EPB41: variants seen among roughly 807,000 people sequenced by gnomAD.
EPB41 encodes erythrocyte membrane protein band 4.1.
Under a neutral mutation model 108.0 loss-of-function variants are expected in EPB41, and 65 were observed. That is an observed-to-expected ratio of 0.60 (90% CI 0.49 to 0.74). The LOEUF (loss-of-function observed/expected upper bound fraction) is 0.74, where lower values mean the gene tolerates loss of function less well. Among genes scored for constraint, EPB41 ranks in the 30% least tolerant of loss-of-function variants. EPB41 has a pLI of 0.00. For synonymous variants in EPB41, 336 were observed against 358.9 expected (o/e 0.94, Z 0.72); for missense variants, 875 against 1,037.0 (o/e 0.84, Z 2.15).
intron 1 of EPB41, among the ~76,000 whole-genome samples, chr1:28,983,810 C>T (rs1472863803): frequency 6.6e-6 from 1 of 152,142 alleles, no homozygotes; most frequent in Non-Finnish European, 1.5e-5. Context: ...GTGTTAGCAG[C>T]TCAGTGGGCC....
At chr1:28,906,800 G>A (rs538893039) in intron 1 of EPB41, among the ~76,000 whole-genome samples, 2 of 150,876 alleles carry the variant, frequency 1.3e-5, no homozygotes, top group African/African-American at 2.4e-5. Flanking sequence ...TTTTGAGACG[G>A]AGTCTCGCTC....
intron 1 of EPB41, among the ~76,000 whole-genome samples, chr1:28,968,469 G>A (rs2095414841): frequency 6.6e-6 from 1 of 152,018 alleles, no homozygotes; most frequent in African/African-American, 2.4e-5. Context: ...AAAAATTTAT[G>A]ATTGTATAGA....
At position 28,975,958 on chromosome 1, in the gene EPB41, A is replaced by AAAAG. The variant is rs1553205874; in HGVS notation, c.-7-11457_-7-11454dup. Among the ~76,000 whole-genome samples, 796 of 140,026 alleles carry AAAAG rather than the reference A, an allele frequency of 5.7e-3. 20 individuals are homozygous for AAAAG. Among genetic ancestry groups the AAAAG allele is most frequent in the East Asian group, 0.02 (78 of 3,968 alleles). The allele number at this position is 140,026 out of a possible 152,430, so 91.9% of individuals were successfully genotyped here. On this transcript the variant is annotated intron_variant, in intron 1 of 20. Coordinates refer to ENST00000343067, the MANE Select transcript of EPB41 (RefSeq NM_001376013.1). ...TCCATCTCAAAAAAAAAAAAAAAAA[A>AAAAG]AAAGAAAGAAAGAAAGAAATATGTA...
intron 1 of EPB41, among the ~76,000 whole-genome samples, chr1:28,931,600 C>A (rs1289143478): frequency 6.7e-6 from 1 of 150,288 alleles, no homozygotes; most frequent in East Asian, 2.0e-4. Flanking sequence ...GCGATCTCGG[C>A]TTACTGCAAC....
chr1:29,041,290 G>A (rs963659782), intron 11 of EPB41: 4 of 151,566 alleles, frequency 2.6e-5, no homozygotes, highest in Non-Finnish European at 5.9e-5. Flanking sequence ...GACCAGCCTA[G>A]CGAACAGGGC....
rs554907319 is a variant in EPB41, at chr1:28,888,563, G to A, written c.-8+1353G>A. Among the ~76,000 whole-genome samples the A allele has an allele frequency of 3.3e-5, 5 of 152,386 alleles. No individual in the cohort carries two copies. In the East Asian group the frequency reaches 9.6e-4, roughly 29 times the overall value. On this transcript the variant is annotated intron_variant, in intron 1 of 16. Transcript: ENST00000347529. ...GCCTTGAAGGCTCTCCGGGGTGTCA[G>A]ACAGACACTTCGGAAATCACTGTAA...
chr1:29,002,830 A>C (rs1417790021), intron 4 of EPB41, among the ~76,000 whole-genome samples: 12 of 152,212 alleles, frequency 7.9e-5, no homozygotes. Context: ...AGGAATAAGG[A>C]AACCAAGTAA....
At chr1:28,983,609 G>T (rs1218841629) in intron 1 of EPB41, among the ~76,000 whole-genome samples, 1 of 152,156 alleles carries the variant, frequency 6.6e-6, no homozygotes, top group Non-Finnish European at 1.5e-5. Flanking sequence ...GGGAAGGAGC[G>T]TGCGAGTGAA....
At chr1:28,935,990 T>A (rs1351489974) in intron 1 of EPB41, among the ~76,000 whole-genome samples, 1 of 152,182 alleles carries the variant, frequency 6.6e-6, no homozygotes, top group Non-Finnish European at 1.5e-5. Flanking sequence ...TAGCTTCCTT[T>A]GCCTCACCTA....
At chr1:28,931,006 A>G (rs1282915448) in intron 1 of EPB41, among the ~76,000 whole-genome samples, 1 of 152,182 alleles carries the variant, frequency 6.6e-6, no homozygotes, top group Admixed American at 6.5e-5. Flanking sequence ...TTATCAACAG[A>G]GACTTTTTAG....
chr1:28,955,654 A>G (rs949922035), intron 1 of EPB41, among the ~76,000 whole-genome samples: 7 of 151,786 alleles, frequency 4.6e-5, no homozygotes, highest in African/African-American at 1.7e-4. Flanking sequence ...CTGATGATCT[A>G]TTTTTCTACT....
intron 1 of EPB41, among the ~76,000 whole-genome samples, chr1:28,950,606 A>G (rs1302904927): frequency 2.6e-5 from 4 of 152,244 alleles, no homozygotes; most frequent in Non-Finnish European, 5.9e-5. Flanking sequence ...CAGAAGGCCA[A>G]AGGGCCTCCC....
chr1:29,107,637 A>T (rs2151640206), intron 17 of EPB41, among the ~76,000 whole-genome samples: 1 of 151,914 alleles, frequency 6.6e-6, no homozygotes, highest in Middle Eastern at 3.4e-3. Flanking sequence ...CGGTTCACGA[A>T]GTCAGGAGTT....
chr1:28,952,930 T>A (rs1182589061), intron 1 of EPB41, among the ~76,000 whole-genome samples: 2 of 152,208 alleles, frequency 1.3e-5, no homozygotes, highest in African/African-American at 4.8e-5. Flanking sequence ...GGTTTCACCA[T>A]GTTGGCCAAG....
At chr1:28,990,333 T>TTCCTTCCTTCCTTCCTTCCTTCCCTCCC (rs1162241720) in intron 2 of EPB41, among the ~76,000 whole-genome samples, 1 of 127,188 alleles carries the variant, frequency 7.9e-6, no homozygotes, top group Non-Finnish European at 1.7e-5. Context: ...CCTTCCTTCC[T>TTCCTTCCTTCCTTCCTTCCTTCCCTCCC]TCCCTCCCTC....
At chr1:28,934,950 CA>C (rs2093931671) in intron 1 of EPB41, among the ~76,000 whole-genome samples, 1 of 151,812 alleles carries the variant, frequency 6.6e-6, no homozygotes, top group African/African-American at 2.4e-5. Flanking sequence ...CTTGTCCCTA[CA>C]AAAAATGAAC....
intron 9 of EPB41, among the ~76,000 whole-genome samples, chr1:29,034,847 A>G (rs1638768931): frequency 6.6e-6 from 1 of 152,184 alleles, no homozygotes; most frequent in African/African-American, 2.4e-5. Flanking sequence ...AAAAATTGCT[A>G]AGAGACTAGA....
At chr1:28,890,528 C>T (rs1467226851) in intron 1 of EPB41, among the ~76,000 whole-genome samples, 2 of 152,150 alleles carry the variant, frequency 1.3e-5, no homozygotes, top group Admixed American at 6.5e-5. Context: ...CTACCCCCTA[C>T]TCTCACTCCA....
intron 2 of EPB41, 101 bp downstream of exon 2, chr1:28,988,006 T>A: frequency 8.0e-7 from 1 of 1,256,776 alleles, no homozygotes; most frequent in Non-Finnish European, 1.2e-6. Context: ...CTCATGCCTG[T>A]AATTCCACCA....
Sources: gnomAD v4.1 joint callset for allele counts (sites outside exome capture counted in the v4.1 genomes callset) on GRCh38, gnomAD v4.1.1 for gene constraint, MANE v1.5 for transcripts, NCBI Gene and HGNC (gene_info 2026-07-23, HGNC 2026-07-21) for gene names.